The following PBLD variants were observed in gnomAD, a reference collection of about 807,000 sequenced individuals.
The protein encoded by PBLD is phenazine biosynthesis-like domain-containing protein.
PBLD carries 26 observed loss-of-function variants against 31.3 expected under a neutral mutation model. That is an observed-to-expected ratio of 0.83 (90% CI 0.61 to 1.15). The LOEUF (loss-of-function observed/expected upper bound fraction) is 1.15. Among genes scored for constraint, PBLD ranks in the 50% most tolerant of loss-of-function variants. The probability of loss-of-function intolerance (pLI) is 0.00; values close to 1 mark genes in which losing one functional copy is unlikely to be tolerated. For synonymous variants in PBLD, 114 were observed against 129.0 expected, an observed-to-expected ratio of 0.88 and a Z score of 0.79; for missense variants, 307 against 351.7, an observed-to-expected ratio of 0.87 and a Z score of 1.02.
intron 1 of PBLD, 144 bp downstream of exon 1, chr10:68,332,640 G>C (rs747807531): frequency 3.3e-5 from 5 of 152,282 alleles, no homozygotes; most frequent in African/African-American, 4.8e-5. Flanking sequence ...GGATGAGGGT[G>C]GGTAGTGAAG....
intron 5 of PBLD, 39 bp from the exon 6 acceptor site, chr10:68,292,078 G>T: frequency 6.3e-7 from 1 of 1,597,182 alleles, no homozygotes; most frequent in Non-Finnish European, 8.6e-7. Context: ...TTATAAAACA[G>T]GAGAGCTGTC....
intron 1 of PBLD, among the ~76,000 whole-genome samples, chr10:68,310,947 C>G (rs2044659572): frequency 1.3e-5 from 2 of 152,150 alleles, no homozygotes; most frequent in Admixed American, 6.5e-5. Context: ...CCTAGCCTAC[C>G]TTACACATGC....
chr10:68,312,908 G>A (rs1444675054), intron 1 of PBLD, among the ~76,000 whole-genome samples: 1 of 151,700 alleles, frequency 6.6e-6, no homozygotes. Flanking sequence ...ACCGGGCCCA[G>A]CCTTTTTTCT....
rs2044322946 is a variant in PBLD, at chr10:68,288,966, T to C, written c.477A>G (p.Gln159=). ...VQDICYSPDT[Q]KLLVRLSDVY... ...CGTCACTGAGGCGGACGAGGAGCTT[T>C]TGGGTATCTGGAGAATAACAGATGT... Residue 159 remains glutamine (Q), a synonymous_variant, in exon 7 of 10, where the codon CAA becomes CAG. Transcript: ENST00000358769. 6.2e-7 allele frequency: 1 copy of C among 1,614,004 alleles called. No individual in the cohort carries two copies.
At chr10:68,327,270 A>T (rs1168785769) in intron 1 of PBLD, among the ~76,000 whole-genome samples, 4 of 152,162 alleles carry the variant, frequency 2.6e-5, no homozygotes, top group African/African-American at 9.7e-5. Flanking sequence ...TGCAGTGAAA[A>T]TGAATGACTT....
chr10:68,328,362 T>TC (rs919497825), intron 1 of PBLD, among the ~76,000 whole-genome samples: 33 of 152,250 alleles, frequency 2.2e-4, no homozygotes, highest in African/African-American at 5.1e-4. Context: ...GTGCCTTCCC[T>TC]CCCCCCGAAG....
At chr10:68,285,435 G>A in intron 8 of PBLD, 25 bp from the exon 9 acceptor site, 2 of 1,579,100 alleles carry the variant, frequency 1.3e-6, no homozygotes, top group Non-Finnish European at 1.7e-6. Context: ...AAAGTTAGGA[G>A]ACAATCCCCA....
chr10:68,291,663 T>G (rs1015594353), intron 6 of PBLD, among the ~76,000 whole-genome samples: 4 of 152,106 alleles, frequency 2.6e-5, no homozygotes, highest in African/African-American at 9.7e-5. Flanking sequence ...AAATTCAACA[T>G]CCCTTAATTT....
chr10:68,291,150 C>T (rs193089193), intron 6 of PBLD, among the ~76,000 whole-genome samples: 7 of 152,296 alleles, frequency 4.6e-5, no homozygotes, highest in African/African-American at 1.7e-4. Flanking sequence ...TGGTCCTGAC[C>T]TGGGCCCTCT....
At chr10:68,321,921 T>C (rs2044840426) in intron 1 of PBLD, among the ~76,000 whole-genome samples, 1 of 152,194 alleles carries the variant, frequency 6.6e-6, no homozygotes, top group African/African-American at 2.4e-5. Context: ...GAATTCCAAA[T>C]AGCTTATCTA....
chr10:68,320,660 C>A (rs945314056), intron 1 of PBLD, among the ~76,000 whole-genome samples: 1 of 151,700 alleles, frequency 6.6e-6, no homozygotes, highest in African/African-American at 2.4e-5. Flanking sequence ...TGTTGTATTT[C>A]TCTCTTTCTT....
intron 8 of PBLD, among the ~76,000 whole-genome samples, chr10:68,286,157 G>A (rs1035082091): frequency 6.4e-5 from 8 of 124,526 alleles, no homozygotes; most frequent in Non-Finnish European, 1.1e-4. Context: ...GCACAATCTC[G>A]GCTCACTACA....
chr10:68,301,841 A>G (rs1175368745), intron 2 of PBLD, among the ~76,000 whole-genome samples: 1 of 152,086 alleles, frequency 6.6e-6, no homozygotes, highest in Non-Finnish European at 1.5e-5. Context: ...AATCCTCTCT[A>G]CCTTGGTATA....
At chr10:68,329,115 G>A (rs1444206563) in intron 1 of PBLD, among the ~76,000 whole-genome samples, 1 of 152,182 alleles carries the variant, frequency 6.6e-6, no homozygotes, top group Non-Finnish European at 1.5e-5. Context: ...CTGACCTCAC[G>A]TGATCCACCT....
intron 2 of PBLD, 142 bp downstream of exon 2, chr10:68,306,619 A>G (rs909909095): frequency 1.7e-5 from 11 of 635,440 alleles, no homozygotes; most frequent in African/African-American, 3.7e-5. Flanking sequence ...ATCAACTTGC[A>G]TACATGAACA....
intron 2 of PBLD, among the ~76,000 whole-genome samples, chr10:68,298,065 A>T (rs1454517956): frequency 6.6e-6 from 1 of 151,240 alleles, no homozygotes; most frequent in Non-Finnish European, 1.5e-5. Context: ...CAGGAGTTCA[A>T]GACCACCCCC....
intron 1 of PBLD, among the ~76,000 whole-genome samples, chr10:68,315,631 A>G (rs2044727524): frequency 1.3e-5 from 2 of 152,034 alleles, no homozygotes. Flanking sequence ...GAGAATCTAG[A>G]AGGCAATATA....
intron 8 of PBLD, 183 bp downstream of exon 8, chr10:68,288,300 G>T: frequency 3.1e-6 from 2 of 646,784 alleles, no homozygotes; most frequent in Non-Finnish European, 5.2e-6. Context: ...TTATCCACCT[G>T]CTCTATTTTA....
At chr10:68,326,937 C>T (rs1232624785) in intron 1 of PBLD, among the ~76,000 whole-genome samples, 1 of 152,092 alleles carries the variant, frequency 6.6e-6, no homozygotes. Context: ...ATTCCAGCTA[C>T]TCGGGAGGCT....
Sources: gnomAD v4.1 joint callset for allele counts (sites outside exome capture counted in the v4.1 genomes callset) on GRCh38, gnomAD v4.1.1 for gene constraint, MANE v1.5 for transcripts, NCBI Gene and HGNC (gene_info 2026-07-23, HGNC 2026-07-21) for gene names.